USP7: variants seen among roughly 807,000 people sequenced by gnomAD.
USP7 encodes the protein ubiquitin specific peptidase 7.
Under a neutral mutation model 162.9 loss-of-function variants are expected in USP7, and 9 were observed. The observed-to-expected ratio is 0.06, with a 90% CI of 0.03 to 0.10. The LOEUF (loss-of-function observed/expected upper bound fraction) is 0.10. Among genes scored for constraint, USP7 ranks in the 10% least tolerant of loss-of-function variants. The pLI is 1.00. For missense variants in USP7, 715 were observed against 1,373.7 expected, an observed-to-expected ratio of 0.52 and a Z score of 7.58; for synonymous variants, 562 against 475.9, an observed-to-expected ratio of 1.18 and a Z score of -2.35.
chr16:8,919,234 A>G, intron 5 of USP7, 95 bp from the exon 6 acceptor site: 1 of 1,225,554 alleles, frequency 8.2e-7, no homozygotes, highest in Non-Finnish European at 1.2e-6. Context: ...AGCCTTAAGG[A>G]AACCGAGGCC....
chr16:8,894,929 A>G (rs2141158379), intron 28 of USP7, 74 bp from the exon 29 acceptor site: 1 of 1,613,722 alleles, frequency 6.2e-7, no homozygotes. Context: ...GCAGCCGCCA[A>G]AACCAACGCC....
chr16:8,915,597 A>T, intron 8 of USP7, 72 bp from the exon 9 acceptor site: 2 of 1,295,464 alleles, frequency 1.5e-6, no homozygotes, highest in Non-Finnish European at 2.2e-6. Flanking sequence ...TTTATAATTG[A>T]CTAGAAATAT....
At position 8,893,108 on chromosome 16, in the gene USP7, A is replaced by G. The variant is rs922415049; in HGVS notation, c.*890T>C. The G allele has an allele frequency of 1.3e-5, 2 of 152,174 alleles. No individual in the cohort carries two copies. Among genetic ancestry groups the G allele is most frequent in the African/African-American group, 4.8e-5 (2 of 41,418 alleles). The allele number at this position is 152,174 out of a possible 1,614,324, so 9.4% of individuals were successfully genotyped here. A position where few individuals can be genotyped will look rare whatever the true frequency, so the allele number is the denominator to read the frequency against. The stretch of plus-strand genomic sequence containing the variant: ...TACATGTTCATTCATTAAATATACA[A>G]TTCATTTTTCCTTTTTTTTTCATTT... On this transcript the variant is annotated 3_prime_UTR_variant, in exon 31 of 31. Coordinates refer to ENST00000344836, the MANE Select transcript of USP7 (RefSeq NM_003470.3).
chr16:8,944,367 A>C (rs1030243010), intron 1 of USP7, among the ~76,000 whole-genome samples: 10 of 152,146 alleles, frequency 6.6e-5, no homozygotes, highest in Admixed American at 5.9e-4. Flanking sequence ...TGCCTGGGCT[A>C]TTTGTGGCCT....
chr16:8,928,561 G>A (rs1898142048), intron 2 of USP7, among the ~76,000 whole-genome samples: 1 of 152,168 alleles, frequency 6.6e-6, no homozygotes, highest in Non-Finnish European at 1.5e-5. Context: ...TACTGCAGCT[G>A]GAAAACGCTG....
intron 11 of USP7, among the ~76,000 whole-genome samples, chr16:8,909,690 G>C (rs1046126236): frequency 2.6e-5 from 4 of 152,218 alleles, no homozygotes; most frequent in Non-Finnish European, 4.4e-5. Context: ...CACTTTGGGA[G>C]GCCGAGGCAG....
intron 10 of USP7, among the ~76,000 whole-genome samples, chr16:8,913,176 T>C (rs2141196013): frequency 6.6e-6 from 1 of 152,268 alleles, no homozygotes; most frequent in South Asian, 2.1e-4. Context: ...CCCAACATGG[T>C]GAAACCTCGT....
intron 3 of USP7, among the ~76,000 whole-genome samples, chr16:8,921,625 C>G (rs1897695060): frequency 6.6e-6 from 1 of 152,222 alleles, no homozygotes; most frequent in Non-Finnish European, 1.5e-5. Context: ...AGCGTTGCTC[C>G]TGCCCCTACA....
At chr16:8,903,035 G>C (rs2061801752) in intron 16 of USP7, among the ~76,000 whole-genome samples, 2 of 152,162 alleles carry the variant, frequency 1.3e-5, no homozygotes. Context: ...ATGAGGAAAA[G>C]GGGTGAAAAC....
intron 1 of USP7, among the ~76,000 whole-genome samples, chr16:8,939,618 T>G (rs923213276): frequency 6.6e-6 from 1 of 152,172 alleles, no homozygotes; most frequent in African/African-American, 2.4e-5. Flanking sequence ...CTTCCCTGAG[T>G]GCTAACATGA....
intron 1 of USP7, among the ~76,000 whole-genome samples, chr16:8,944,006 TC>T (rs1243438808): frequency 6.6e-6 from 1 of 151,950 alleles, no homozygotes; most frequent in Non-Finnish European, 1.5e-5. Flanking sequence ...ATACAGGAGT[TC>T]AAGACCAGCC....
chr16:8,953,426 T>C (rs1470679282), intron 1 of USP7, among the ~76,000 whole-genome samples: 3 of 152,094 alleles, frequency 2.0e-5, no homozygotes, highest in African/African-American at 7.2e-5. Flanking sequence ...ACACTCCTAC[T>C]GCCACTAAGT....
intron 6 of USP7, among the ~76,000 whole-genome samples, chr16:8,917,549 A>G (rs1897443036): frequency 6.6e-6 from 1 of 151,534 alleles, no homozygotes; most frequent in Non-Finnish European, 1.5e-5. Context: ...AGGCTAATTT[A>G]TGAATTTTCA....
chr16:8,959,299 T>A (rs1341835489), intron 1 of USP7, among the ~76,000 whole-genome samples: 1 of 151,832 alleles, frequency 6.6e-6, no homozygotes, highest in East Asian at 1.9e-4. Context: ...CACCACAGTC[T>A]GTTATACCAT....
intron 1 of USP7, 103 bp downstream of exon 1, chr16:8,963,104 G>T (rs1227079335): frequency 1.8e-6 from 2 of 1,089,340 alleles, no homozygotes; most frequent in East Asian, 4.9e-5. Context: ...GGCCGCCCGG[G>T]GCCTGGTTAA....
chr16:8,926,551 C>T (rs769700501), intron 2 of USP7, among the ~76,000 whole-genome samples: 1 of 152,174 alleles, frequency 6.6e-6, no homozygotes, highest in African/African-American at 2.4e-5. Context: ...TTCACAGATA[C>T]GGCCAGCCAG....
In USP7 at chr16:8,901,225, A is replaced by G; in HGVS notation, c.2057T>C (p.Met686Thr). ...GGGATCATACATCTTCAAAAATAAC[A>G]TTACATCATCTACAAGGTTAATAAA... ...LPKFDKDHDVMLFLKMYDPKT... is the reference protein window; with the variant it reads ...LPKFDKDHDVTLFLKMYDPKT... The change falls in exon 19 of 31, where the codon ATG (methionine) becomes ACG (threonine). Residue 686 changes from methionine (M) to threonine (T), a missense_variant. Met to Thr is a moderately conservative substitution (Grantham distance 81). Coordinates refer to ENST00000344836, the MANE Select transcript of USP7 (RefSeq NM_003470.3). 6.2e-7 allele frequency: 1 copy of G among 1,611,800 alleles called. No homozygotes were observed. Among genetic ancestry groups the G allele is most frequent in the Non-Finnish European group, 8.5e-7 (1 of 1,177,926 alleles).
chr16:8,957,800 G>A (rs140196242), intron 1 of USP7, among the ~76,000 whole-genome samples: 227 of 151,458 alleles, frequency 1.5e-3, no homozygotes, highest in African/African-American at 5.0e-3. Flanking sequence ...ACACAAAAAC[G>A]ATAACAAAAA....
At chr16:8,915,206 A>C in intron 10 of USP7, 48 bp downstream of exon 10, 2 of 1,487,572 alleles carry the variant, frequency 1.3e-6, no homozygotes, top group Non-Finnish European at 1.8e-6. Flanking sequence ...ATTAAAACAC[A>C]GTAGAAATCA....
Sources: allele counts gnomAD v4.1 joint callset (sites outside exome capture counted in the v4.1 genomes callset), GRCh38; gene constraint gnomAD v4.1.1; transcripts MANE v1.5; gene names NCBI Gene and HGNC (gene_info 2026-07-23, HGNC 2026-07-21).